Variants in FN1 observed in about 807,000 individuals in gnomAD.
The protein encoded by FN1 is fibronectin 1, also known as fibronectin.
FN1 carries 106 observed loss-of-function variants against 297.3 expected under a neutral mutation model. The ratio of observed to expected loss-of-function variants is 0.36; its 90% CI spans 0.30 to 0.42. The LOEUF is 0.42. Among genes scored for constraint, FN1 ranks in the 10% least tolerant of loss-of-function variants. FN1 has a pLI of 1.00. For synonymous variants in FN1, 1,149 were observed against 1,152.6 expected (o/e 1.00, Z 0.06); for missense variants, 2,690 against 3,124.9 (o/e 0.86, Z 3.32).
rs777139670 is a variant in FN1 at position 215,376,636 on chromosome 2, T to C, written c.5749A>G (p.Thr1917Ala). 2 of 1,613,960 alleles carry C rather than the reference T, an allele frequency of 1.2e-6. No homozygotes were observed. The highest frequency in any genetic ancestry group is 1.7e-6 in the Non-Finnish European group (2 of 1,179,974). Residue 1917 changes from threonine to alanine, a missense_variant, in exon 36 of 46, where the codon ACT becomes GCT. Around this residue, in one of 3 missense-constraint regions of FN1, gnomAD observed 1,743 missense variants for 1,945.2 expected, o/e 0.90. Transcript: ENST00000354785. ...PPRRARVTDA[T>A]ETTITISWRT... The stretch of plus-strand genomic sequence containing the variant: ...CAGCTAATGGTGATGGTGGTCTCAG[T>C]AGCATCTGTCACACGAGCCCTTCTT...
At position 215,372,231 on chromosome 2, in the gene FN1, G is replaced by C; in HGVS notation, c.6392C>G (p.Ser2131Cys). 6.2e-7 allele frequency: 1 copy of C among 1,614,224 alleles called. No homozygotes were observed. The highest frequency in any genetic ancestry group is 8.5e-7 in the Non-Finnish European group (1 of 1,180,036). The change falls in exon 40 of 46, where the codon TCT becomes TGT. Residue 2131 changes from serine (S) to cysteine (C), a missense_variant. This residue lies in a region of FN1 where 1,743 missense variants were observed against 1,945.2 expected (regional missense o/e 0.90). Coordinates refer to ENST00000354785, the MANE Select transcript of FN1 (RefSeq NM_212482.4). ...TTGCCCAACACTGGGTTGCTGACCA[G>C]AAGTGCCAGGAAGCTGAATACCATT... ...TGNGIQLPGT[S>C]GQQPSVGQQM...
rs528576924 is a variant in FN1, at chr2:215,427,111, G to A, written c.844+1069C>T. On this transcript the variant is annotated intron_variant, in intron 6 of 45. Coordinates refer to ENST00000354785, the MANE Select transcript of FN1 (RefSeq NM_212482.4). ...AGGATGGTCTTGATCTCCTGACCTC[G>A]TGATCCGCCTGCCTCGGCCTCCCAA... Among the ~76,000 whole-genome samples, 44 of 152,112 alleles carry A rather than the reference G, an allele frequency of 2.9e-4. No individual in the cohort carries two copies. In the South Asian group the frequency reaches 4.8e-3, roughly 16 times the overall value.
intron 6 of FN1, among the ~76,000 whole-genome samples, chr2:215,427,497 C>CA (rs1217530184): frequency 1.2e-4 from 18 of 152,138 alleles, no homozygotes; most frequent in African/African-American, 4.3e-4. Context: ...TTTCTCATGC[C>CA]AAAAATGATT....
chr2:215,420,970 G>T, intron 10 of FN1, 169 bp from the exon 11 acceptor site: 1 of 728,954 alleles, frequency 1.4e-6, no homozygotes, highest in Non-Finnish European at 2.2e-6. Flanking sequence ...AGTTTGGTCA[G>T]TAATACAATT....
In FN1 at chr2:215,408,368, G is replaced by A. The variant is rs748202069; in HGVS notation, c.2358C>T (p.Tyr786=). Residue 786 remains tyrosine, a synonymous_variant, in exon 16 of 46, where the codon TAC becomes TAT. Transcript: ENST00000354785. The part of the protein sequence containing the change: ...NIPDLLPGRK[Y]IVNVYQISED... ...CAGATATCTGATAGACATTTACAAT[G>A]TATTTTCGGCCAGGAAGCAGGTCAG... is the stretch of plus-strand genomic sequence containing the variant. The A allele has an allele frequency of 1.8e-5, 29 of 1,614,020 alleles. No homozygotes were observed. The Admixed American group carries it at 4.8e-4, about 27-fold the overall frequency.
At chr2:215,417,611 T>G (rs924172862) in intron 12 of FN1, among the ~76,000 whole-genome samples, 1 of 152,164 alleles carries the variant, frequency 6.6e-6, no homozygotes, top group Non-Finnish European at 1.5e-5. Flanking sequence ...ACCACACTCT[T>G]AAAGCCCTAC....
At chr2:215,370,177 T>C (rs1336793194) in intron 41 of FN1, 117 bp downstream of exon 41, 2 of 994,490 alleles carry the variant, frequency 2.0e-6, no homozygotes, top group African/African-American at 1.6e-5. Flanking sequence ...TGTTGATGTG[T>C]TGCATTAAAT....
Position 215,373,370 on chromosome 2 carries a change from G to C in FN1, c.6199C>G (p.Leu2067Val), listed in dbSNP as rs1171902466. The C allele has an allele frequency of 6.2e-7, 1 of 1,613,396 alleles. No homozygotes were observed. Among genetic ancestry groups the C allele is most frequent in the South Asian group, 1.1e-5 (1 of 91,054 alleles). The change falls in exon 39 of 46, where the codon CTG becomes GTG. Residue 2067 changes from leucine to valine, a missense_variant. Physicochemically the swap from Leu to Val is conservative, Grantham distance 32. This residue lies in a region of FN1 where 1,743 missense variants were observed against 1,945.2 expected (regional missense o/e 0.90). Coordinates refer to ENST00000354785, the MANE Select transcript of FN1 (RefSeq NM_212482.4). ...GTEYTIYVIA[L>V]KNNQKSEPLI... is the part of the protein sequence containing the mutation. ...GGCTCGCTCTTCTGATTATTCTTCA[G>C]GGCAATGACATAAATTGTATATTCG...
chr2:215,401,261 AGGAAGG>A (rs1559476400), intron 20 of FN1, among the ~76,000 whole-genome samples: 2 of 70,306 alleles, frequency 2.8e-5, no homozygotes, highest in Admixed American at 1.2e-4. Flanking sequence ...GAAGAAAGAA[AGGAAGG>A]AAAGGAAAGG....
Position 215,384,878 on chromosome 2 carries a change from T to A in FN1, c.4711A>T (p.Ile1571Phe). Residue 1571 changes from isoleucine to phenylalanine, a missense_variant, in exon 29 of 46, where the codon ATC becomes TTC. Transcript: ENST00000354785. ...GCTGTACCTGTCTCTCCGTAAGTGA[T>A]CCTGTAATATCTCACTGTGACAGCA... ...APAVTVRYYRITYGETGGNSP... is the reference protein window; with the variant it reads ...APAVTVRYYRFTYGETGGNSP... 1 of 1,609,310 alleles carries A rather than the reference T, an allele frequency of 6.2e-7. No homozygotes were observed. Among genetic ancestry groups the A allele is most frequent in the South Asian group, 1.1e-5 (1 of 90,984 alleles).
At chr2:215,371,052 G>T (rs1313530218) in intron 40 of FN1, among the ~76,000 whole-genome samples, 1 of 152,206 alleles carries the variant, frequency 6.6e-6, no homozygotes, top group South Asian at 2.1e-4. Flanking sequence ...GGCGGATCAC[G>T]AGGTCAGGAG....
intron 29 of FN1, 70 bp from the exon 30 acceptor site, chr2:215,384,254 T>G: frequency 1.4e-6 from 2 of 1,389,666 alleles, no homozygotes; most frequent in Non-Finnish European, 2.0e-6. Context: ...ATTAATTGAA[T>G]TACCACATTT....
At chr2:215,408,016 G>T in intron 17 of FN1, 92 bp downstream of exon 17, 2 of 926,900 alleles carry the variant, frequency 2.2e-6, no homozygotes, top group South Asian at 1.3e-5. Context: ...GAGATTTAAA[G>T]TGATATGCAG....
chr2:215,397,935 A>T, intron 21 of FN1, 87 bp from the exon 22 acceptor site: 1 of 1,162,500 alleles, frequency 8.6e-7, no homozygotes, highest in Non-Finnish European at 1.3e-6. Flanking sequence ...TGCTTTAAAT[A>T]GTGTAAACTC....
intron 6 of FN1, among the ~76,000 whole-genome samples, chr2:215,425,748 G>A (rs558519152): frequency 5.9e-4 from 90 of 151,898 alleles, no homozygotes; most frequent in African/African-American, 2.1e-3. Context: ...GTAGAGACGG[G>A]GTTTTGCCAT....
chr2:215,387,068 T>G (rs2059121923), intron 27 of FN1, 110 bp from the exon 28 acceptor site: 1 of 935,112 alleles, frequency 1.1e-6, no homozygotes, highest in East Asian at 2.6e-5. Context: ...ATTTCGTTCC[T>G]GTCTCATCAA....
chr2:215,399,562 T>C (rs557011595), intron 20 of FN1, among the ~76,000 whole-genome samples: 1 of 152,142 alleles, frequency 6.6e-6, no homozygotes, highest in African/African-American at 2.4e-5. Context: ...CTGGCTAAAA[T>C]GCAGATTCTG....
chr2:215,417,567 C>A (rs2063612955), intron 12 of FN1, among the ~76,000 whole-genome samples: 1 of 152,152 alleles, frequency 6.6e-6, no homozygotes, highest in Non-Finnish European at 1.5e-5. Context: ...GACTCAGAGA[C>A]AATCTGTTGG....
intron 20 of FN1, among the ~76,000 whole-genome samples, chr2:215,401,247 A>AAGGAAGG (rs1559475686): frequency 2.5e-5 from 2 of 80,136 alleles, no homozygotes; most frequent in African/African-American, 1.0e-4. Context: ...AGAAAGAAAG[A>AAGGAAGG]AAGGAAGAAA....
Sources: allele counts gnomAD v4.1 joint callset (sites outside exome capture counted in the v4.1 genomes callset), GRCh38; gene constraint gnomAD v4.1.1; regional missense constraint gnomAD v4.1.1; transcripts MANE v1.5; gene names NCBI Gene and HGNC (gene_info 2026-07-23, HGNC 2026-07-21).